Variants in HTR3D observed in about 807,000 individuals in gnomAD.
The protein encoded by HTR3D is 5-hydroxytryptamine receptor 3D, also known as 5-hydroxytryptamine (serotonin) receptor 3 family member D.
In HTR3D, 47 loss-of-function variants were observed where a neutral mutation model predicts 45.8. The ratio of observed to expected loss-of-function variants is 1.03; its 90% CI spans 0.81 to 1.31. The LOEUF is 1.31. Among genes scored for constraint, HTR3D ranks in the 50% most tolerant of loss-of-function variants. HTR3D has a pLI of 0.00. For synonymous variants in HTR3D, 203 were observed against 199.8 expected, an observed-to-expected ratio of 1.02 and a Z score of -0.13; for missense variants, 448 against 506.9, an observed-to-expected ratio of 0.88 and a Z score of 1.12.
intron 1 of HTR3D, 113 bp from the exon 2 acceptor site, chr3:184,035,065 A>G: frequency 6.6e-7 from 1 of 1,525,566 alleles, no homozygotes; most frequent in African/African-American, 1.4e-5. Context: ...AGTGGCTTAG[A>G]TCAAAAATCA....
intron 1 of HTR3D, chr3:184,032,956 A>G (rs765170144): frequency 2.6e-6 from 4 of 1,552,256 alleles, no homozygotes; most frequent in Non-Finnish European, 3.5e-6. Flanking sequence ...TGGACCCTGC[A>G]GCCTTTCAAG....
chr3:184,035,801 T>C (rs1722868754), intron 2 of HTR3D, among the ~76,000 whole-genome samples: 2 of 151,942 alleles, frequency 1.3e-5, no homozygotes, highest in Non-Finnish European at 2.9e-5. Flanking sequence ...TTTTCCTGCC[T>C]CCTGCCTCAG....
chr3:184,035,843 C>T (rs185121928), intron 2 of HTR3D, 172 bp from the exon 3 acceptor site: 3 of 597,032 alleles, frequency 5.0e-6, no homozygotes, highest in Non-Finnish European at 8.4e-6. Context: ...CAGGGGCCCA[C>T]CACCACACCC....
chr3:184,035,690 C>T (rs947457605), intron 2 of HTR3D, among the ~76,000 whole-genome samples: 88 of 143,078 alleles, frequency 6.2e-4, no homozygotes, highest in African/African-American at 2.1e-3. Context: ...ACAATCAATT[C>T]TTTTTTTTTT....
chr3:184,032,755 A>G (rs1722783561), intron 1 of HTR3D: 12 of 1,077,746 alleles, frequency 1.1e-5, no homozygotes, highest in Middle Eastern at 2.9e-4. Context: ...CCATTTGCCT[A>G]CCAGCTCAGC....
In HTR3D at chr3:184,039,095, C is replaced by G; in HGVS notation, c.*120C>G. On this transcript the variant is annotated 3_prime_UTR_variant, in exon 8 of 8. Transcript: ENST00000428798. ...ACCGCCTCATTTTTAACCCAGTCCT[C>G]TGTGTAGTTTCAGACCAGACCTGAA... The G allele has an allele frequency of 9.1e-7, 1 of 1,104,626 alleles. No individual in the cohort carries two copies. The highest frequency in any genetic ancestry group is 1.4e-5 in the South Asian group (1 of 69,770). The allele number at this position is 1,104,626 out of a possible 1,614,324, so 68.4% of individuals were successfully genotyped here.
At chr3:184,035,267 C>G in intron 2 of HTR3D, 45 bp downstream of exon 2, 4 of 1,475,828 alleles carry the variant, frequency 2.7e-6, no homozygotes, top group Non-Finnish European at 3.7e-6. Context: ...TGGTGCCTCT[C>G]TTTTTTCCAC....
At chr3:184,037,482 C>T (rs1341816317) in intron 5 of HTR3D, among the ~76,000 whole-genome samples, 2 of 152,162 alleles carry the variant, frequency 1.3e-5, no homozygotes, top group South Asian at 2.1e-4. Flanking sequence ...CCCGCCTTCC[C>T]CAATGGCTGT....
intron 1 of HTR3D, among the ~76,000 whole-genome samples, chr3:184,034,494 A>C (rs748016984): frequency 2.0e-5 from 3 of 152,178 alleles, no homozygotes; most frequent in African/African-American, 7.2e-5. Context: ...AGCTCTGGTG[A>C]TGGAGGGTGG....
In HTR3D at chr3:184,038,312, C is replaced by A; in HGVS notation, c.769+39C>A. 6.2e-7 allele frequency: 1 copy of A among 1,612,064 alleles called. No individual in the cohort carries two copies. The highest frequency in any genetic ancestry group is 1.1e-5 in the South Asian group (1 of 91,020). On this transcript the variant is annotated intron_variant, in intron 6 of 7. Coordinates refer to ENST00000428798, the MANE Select transcript of HTR3D (RefSeq NM_001145143.1). This position sits in a 1 kb window ranked among gnomAD's most constrained non-coding sequence, Gnocchi z 4.5. ...GGGGAGAGGGATGGGCAGAACCAGG[C>A]GAAGTGAAAAGGGATCCTGGAAAAA...
At position 184,036,744 on chromosome 3, in the gene HTR3D, C is replaced by T. The variant is rs369518418; in HGVS notation, c.368-4C>T. ...TGGGCCTGCTTTGCAGTGGAGAACA[C>T]GAGCCCGGGCATGGAGAAGGATGTC... is the stretch of plus-strand genomic sequence containing the variant. On this transcript the variant is annotated splice_region_variant and splice_polypyrimidine_tract_variant and intron_variant, in intron 4 of 7. Coordinates refer to ENST00000428798, the MANE Select transcript of HTR3D (RefSeq NM_001145143.1). The T allele has an allele frequency of 2.3e-5, 36 of 1,552,044 alleles. No individual in the cohort carries two copies. In the Admixed American group the frequency reaches 2.9e-4, roughly 13 times the overall value.
chr3:184,032,247 G>A (rs1250602226), intron 1 of HTR3D, among the ~76,000 whole-genome samples: 1 of 152,194 alleles, frequency 6.6e-6, no homozygotes, highest in Non-Finnish European at 1.5e-5. Context: ...GCCCGCGTGG[G>A]CCTCCCAAAG....
At chr3:184,035,284 G>A (rs1312384813) in intron 2 of HTR3D, 62 bp downstream of exon 2, 7 of 1,371,480 alleles carry the variant, frequency 5.1e-6, no homozygotes, top group Non-Finnish European at 7.1e-6. Context: ...CCACTCCTAG[G>A]TCCAGCTTTG....
intron 5 of HTR3D, among the ~76,000 whole-genome samples, chr3:184,037,436 A>C (rs1309166407): frequency 2.6e-5 from 4 of 152,222 alleles, no homozygotes; most frequent in South Asian, 4.1e-4. Flanking sequence ...GGAAGAAACA[A>C]AGGCTCTATG....
Position 184,038,557 on chromosome 3 carries a change from G to T in HTR3D, c.918G>T (p.Gly306=). 6.2e-7 allele frequency: 1 copy of T among 1,613,946 alleles called. No individual in the cohort carries two copies. The highest frequency in any genetic ancestry group is 8.5e-7 in the Non-Finnish European group (1 of 1,180,032). The change falls in exon 7 of 8, where the codon GGG becomes GGT. Residue 306 remains glycine, a synonymous_variant. Coordinates refer to ENST00000428798, the MANE Select transcript of HTR3D (RefSeq NM_001145143.1). The surrounding 1 kb of genome is among the most constrained non-coding windows in gnomAD (Gnocchi z 4.5). ...TGCTGCTGCACTGCACCGGCCAAGG[G>T]AGATGCTGTCCCACTGCGCCCCAGA... The part of the protein sequence containing the change: ...HSLLLHCTGQ[G]RCCPTAPQKG...
At chr3:184,034,346 C>G (rs1722824373) in intron 1 of HTR3D, among the ~76,000 whole-genome samples, 1 of 152,144 alleles carries the variant, frequency 6.6e-6, no homozygotes, top group African/African-American at 2.4e-5. Context: ...ATAAGTCAGT[C>G]ACAAAAAGAC....
Position 184,038,705 on chromosome 3 carries a change from T to G in HTR3D, c.986-41T>G. On this transcript the variant is annotated intron_variant, in intron 7 of 7. Coordinates refer to ENST00000428798, the MANE Select transcript of HTR3D (RefSeq NM_001145143.1). The surrounding 1 kb of genome is among the most constrained non-coding windows in gnomAD (Gnocchi z 4.5). The stretch of plus-strand genomic sequence containing the variant: ...TTCCCTGTCTCCCTCCCTCCACAGG[T>G]GACATTTGCAGCCCATGGCTGAGTC... The G allele has an allele frequency of 6.4e-7, 1 of 1,559,540 alleles. No individual in the cohort carries two copies. The highest frequency in any genetic ancestry group is 8.7e-7 in the Non-Finnish European group (1 of 1,150,860).
Position 184,038,915 on chromosome 3 carries a change from C to T in HTR3D, c.1155C>T (p.Arg385=). ...FSHAMDALLF[R]LYLLFMASSI... ...ACGCGATGGACGCCCTGCTCTTCCG[C>T]CTCTACCTGCTCTTCATGGCCTCCT... is the stretch of plus-strand genomic sequence containing the variant. The change falls in exon 8 of 8, where the codon CGC becomes CGT. Residue 385 remains arginine, a synonymous_variant. Coordinates refer to ENST00000428798, the MANE Select transcript of HTR3D (RefSeq NM_001145143.1). The surrounding 1 kb of genome is among the most constrained non-coding windows in gnomAD (Gnocchi z 4.5). 2 of 1,614,190 alleles carry T rather than the reference C, an allele frequency of 1.2e-6. No individual in the cohort carries two copies. Among genetic ancestry groups the T allele is most frequent in the Non-Finnish European group, 1.7e-6 (2 of 1,180,026 alleles).
At chr3:184,037,031 G>A (rs1722926187) in intron 5 of HTR3D, 135 bp downstream of exon 5, 5 of 736,664 alleles carry the variant, frequency 6.8e-6, no homozygotes, top group Admixed American at 3.2e-5. Context: ...CCCGGCCTTT[G>A]TCACTCTTTT....
Sources: allele counts gnomAD v4.1 joint callset (sites outside exome capture counted in the v4.1 genomes callset), GRCh38; gene constraint gnomAD v4.1.1; non-coding constraint Gnocchi (gnomAD v3.1); transcripts MANE v1.5; gene names NCBI Gene and HGNC (gene_info 2026-07-23, HGNC 2026-07-21).